Variants in WDR88 observed in about 807,000 individuals in gnomAD.
The protein encoded by WDR88 is WD repeat-containing protein 88.
A neutral mutation model predicts 46.8 loss-of-function variants in WDR88; 40 were observed. The ratio of observed to expected loss-of-function variants is 0.86; its 90% CI spans 0.66 to 1.11. The LOEUF (loss-of-function observed/expected upper bound fraction) is 1.11. Among genes scored for constraint, WDR88 ranks in the 50% most tolerant of loss-of-function variants. The pLI is 0.00. For missense variants in WDR88, 562 were observed against 602.4 expected, an observed-to-expected ratio of 0.93 and a Z score of 0.70; for synonymous variants, 235 against 240.7, an observed-to-expected ratio of 0.98 and a Z score of 0.22.
intron 4 of WDR88, among the ~76,000 whole-genome samples, chr19:33,148,124 C>G (rs898433485): frequency 1.3e-5 from 2 of 152,002 alleles, no homozygotes; most frequent in African/African-American, 4.8e-5. Context: ...CCCCCAAGAA[C>G]CAGGGTTCTG....
At position 33,148,918 on chromosome 19, in the gene WDR88, T is replaced by G. The variant is rs756924922; in HGVS notation, c.679+8T>G. On this transcript the variant is annotated splice_region_variant and intron_variant, in intron 5 of 10. Coordinates refer to ENST00000355868, the MANE Select transcript of WDR88 (RefSeq NM_173479.4). ...CCGTTTCCGTCATCAAAGGTGAGGG[T>G]GTGCGGGCTCCCTGTATCTTCAGTC... is the stretch of plus-strand genomic sequence containing the variant. 4 of 1,613,630 alleles carry G rather than the reference T, an allele frequency of 2.5e-6. No homozygotes were observed. The highest frequency in any genetic ancestry group is 3.4e-6 in the Non-Finnish European group (4 of 1,179,906).
At chr19:33,134,843 C>A (rs113981489) in intron 1 of WDR88, among the ~76,000 whole-genome samples, 5 of 130,682 alleles carry the variant, frequency 3.8e-5, no homozygotes, top group African/African-American at 5.4e-5. Context: ...CCCCGACACC[C>A]CCCCCCCCGC....
At position 33,175,652 on chromosome 19, in the gene WDR88, G is replaced by T. The variant is rs1457330289; in HGVS notation, c.*80G>T. ...CGGGGCTTTGCAGGGGCTTTCTCTT[G>T]GGCCCCTCCCAGGCTCAGCAGGCCT... On this transcript the variant is annotated 3_prime_UTR_variant, in exon 11 of 11. Transcript: ENST00000355868. 6.5e-7 allele frequency: 1 copy of T among 1,549,628 alleles called. No homozygotes were observed. Among genetic ancestry groups the T allele is most frequent in the Non-Finnish European group, 8.8e-7 (1 of 1,136,696 alleles).
intron 9 of WDR88, among the ~76,000 whole-genome samples, chr19:33,170,262 G>T (rs986637461): frequency 6.6e-6 from 1 of 150,862 alleles, no homozygotes; most frequent in Non-Finnish European, 1.5e-5. Context: ...ACTGCAGCCT[G>T]AACCTCCCGG....
intron 9 of WDR88, 85 bp from the exon 10 acceptor site, chr19:33,172,263 C>T: frequency 8.6e-7 from 1 of 1,162,140 alleles, no homozygotes; most frequent in Non-Finnish European, 1.3e-6. Context: ...CTTGACAGCC[C>T]ATGTCTTTTG....
chr19:33,151,204 T>C lies in WDR88; in HGVS notation c.703T>C (p.Ser235Pro). ...IKDHHTRSIT[S>P]CCFDPDSQRV... ...AGATCATCACACAAGGTCCATCACG[T>C]CATGCTGCTTTGACCCCGACAGCCA... is the stretch of plus-strand genomic sequence containing the variant. Residue 235 changes from serine to proline, a missense_variant, in exon 6 of 11, where the codon TCA (serine) becomes CCA (proline). Physicochemically the swap from Ser to Pro is moderately conservative, Grantham distance 74. Coordinates refer to ENST00000355868, the MANE Select transcript of WDR88 (RefSeq NM_173479.4). 1 of 1,613,806 alleles carries C rather than the reference T, an allele frequency of 6.2e-7. No homozygotes were observed. Among genetic ancestry groups the C allele is most frequent in the Admixed American group, 1.7e-5 (1 of 59,966 alleles).
chr19:33,137,591 C>A, intron 1 of WDR88, 86 bp from the exon 2 acceptor site: 1 of 1,229,174 alleles, frequency 8.1e-7, no homozygotes, highest in South Asian at 1.4e-5. Context: ...TGGTTTATTG[C>A]AAGTGTTTAG....
chr19:33,175,564 G>C lies in WDR88; in HGVS notation c.1411G>C (p.Asp471His). The change falls in exon 11 of 11, where the codon GAT becomes CAT. Residue 471 changes from aspartate (D) to histidine (H), a missense_variant. Physicochemically the swap from Asp to His is moderately conservative, Grantham distance 81 (BLOSUM62 -1). Transcript: ENST00000355868. ...ENSPPPRGSK[D>H]D is the part of the protein sequence containing the mutation. ...CTCACCGCCGCCAAGGGGAAGCAAG[G>C]ATGACTGACAGCCACAGGCCCCTTT... 1 of 1,614,152 alleles carries C rather than the reference G, an allele frequency of 6.2e-7. No individual in the cohort carries two copies. Among genetic ancestry groups the C allele is most frequent in the Non-Finnish European group, 8.5e-7 (1 of 1,180,012 alleles).
chr19:33,164,171 T>A, intron 8 of WDR88, 26 bp from the exon 9 acceptor site: 1 of 1,605,760 alleles, frequency 6.2e-7, no homozygotes, highest in East Asian at 2.2e-5. Flanking sequence ...TCTCCACGTT[T>A]TCATTAAAAT....
Position 33,160,996 on chromosome 19 carries a change from AC to A in WDR88, c.1080+505del, listed in dbSNP as rs1384859510. On this transcript the variant is annotated intron_variant, in intron 8 of 10. Coordinates refer to ENST00000355868, the MANE Select transcript of WDR88 (RefSeq NM_173479.4). ...AGACCAGCCTGGCCAACATGGTGAA[AC>A]CCCCGTCTCTACTAAAAATACAAAA... Among the ~76,000 whole-genome samples the A allele has an allele frequency of 9.9e-4, 150 of 151,392 alleles. No homozygotes were observed. In the East Asian group the frequency reaches 0.026, roughly 26 times the overall value.
chr19:33,171,481 T>A (rs1167964701), intron 9 of WDR88, among the ~76,000 whole-genome samples: 1 of 152,172 alleles, frequency 6.6e-6, no homozygotes, highest in African/African-American at 2.4e-5. Context: ...TTGCAACTGC[T>A]GAATCAAGAA....
At chr19:33,137,881 C>A in intron 2 of WDR88, 94 bp downstream of exon 2, 1 of 1,022,224 alleles carries the variant, frequency 9.8e-7, no homozygotes, top group Non-Finnish European at 1.4e-6. Context: ...AACTCACAGG[C>A]ACTTGTGGGT....
chr19:33,152,754 AC>A (rs922797436), intron 6 of WDR88, among the ~76,000 whole-genome samples: 9 of 151,752 alleles, frequency 5.9e-5, no homozygotes, highest in African/African-American at 2.2e-4. Flanking sequence ...GGCGCCCACC[AC>A]CACACCTGGC....
rs774056482 is a variant in WDR88 at position 33,147,594 on chromosome 19, C to G, written c.477-51C>G. On this transcript the variant is annotated intron_variant, in intron 3 of 10. Coordinates refer to ENST00000355868, the MANE Select transcript of WDR88 (RefSeq NM_173479.4). ...CTCCAGCTGGGGCAACAGAAAGACA[C>G]CCTGTCTCAAAAAAAAGAACCAGTG... is the stretch of plus-strand genomic sequence containing the variant. 7.6e-6 allele frequency: 12 copies of G among 1,582,806 alleles called. No homozygotes were observed. The South Asian group carries it at 1.3e-4, about 18-fold the overall frequency.
In WDR88 at chr19:33,144,918, C is replaced by A. The variant is rs776907413; in HGVS notation, c.462C>A (p.Thr154=). Reference sequence around the variant, plus strand: ...CTCCTGTTGTAGAGTGCAGCATCACCGGCGACAGCAGCAGGTGACCTTTCC... The same window carrying A: ...CTCCTGTTGTAGAGTGCAGCATCACAGGCGACAGCAGCAGGTGACCTTTCC... ...PKAPVVECSI[T]GDSSRVIAAS... The change falls in exon 3 of 11, where the codon ACC becomes ACA. Residue 154 remains threonine (T), a synonymous_variant. Transcript: ENST00000355868. The A allele has an allele frequency of 4.3e-6, 7 of 1,613,268 alleles. No homozygotes were observed. The highest frequency in any genetic ancestry group is 2.2e-5 in the East Asian group (1 of 44,842).
rs1481310936 is a variant in WDR88 at position 33,133,120 on chromosome 19, G to A, written c.276+675G>A. On this transcript the variant is annotated intron_variant, in intron 1 of 10. Coordinates refer to ENST00000355868, the MANE Select transcript of WDR88 (RefSeq NM_173479.4). Reference sequence around the variant, plus strand: ...TGCAGTGAGCTATGATTGTGCCACTGCACTCCAGCCTGGGCAACAGAGCGA... The same window carrying A: ...TGCAGTGAGCTATGATTGTGCCACTACACTCCAGCCTGGGCAACAGAGCGA... 5.3e-5 allele frequency among the ~76,000 whole-genome samples: 8 copies of A among 150,656 alleles called. No homozygotes were observed. The Admixed American group carries it at 5.3e-4, about 10-fold the overall frequency.
intron 9 of WDR88, 79 bp from the exon 10 acceptor site, chr19:33,172,269 T>C: frequency 1.6e-6 from 2 of 1,253,716 alleles, no homozygotes; most frequent in Admixed American, 4.0e-5. Context: ...AGCCCATGTC[T>C]TTTGATTGTT....
chr19:33,164,345 T>C, intron 9 of WDR88, 80 bp downstream of exon 9: 1 of 1,395,802 alleles, frequency 7.2e-7, no homozygotes, highest in South Asian at 1.2e-5. Context: ...AAGTATAAAA[T>C]TCCTGGGTGG....
chr19:33,175,506 T>TTCATCG lies in WDR88; in HGVS notation c.1359_1364dup (p.Ser457_Ser458dup). The stretch of plus-strand genomic sequence containing the variant: ...ATACAAGGGGCTTGCCAGCAGATAC[T>TTCATCG]TCATCGTCATCATCATCATCGGAAA... On this transcript the variant is annotated inframe_insertion, in exon 11 of 11. Transcript: ENST00000355868. The TTCATCG allele has an allele frequency of 6.2e-7, 1 of 1,614,224 alleles. No homozygotes were observed. Among genetic ancestry groups the TTCATCG allele is most frequent in the Non-Finnish European group, 8.5e-7 (1 of 1,180,044 alleles).
Sources: gnomAD v4.1 joint callset for allele counts (sites outside exome capture counted in the v4.1 genomes callset) on GRCh38, gnomAD v4.1.1 for gene constraint, MANE v1.5 for transcripts, NCBI Gene and HGNC (gene_info 2026-07-23, HGNC 2026-07-21) for gene names.